Variants in L3MBTL2 observed in about 807,000 individuals in gnomAD.
L3MBTL2 encodes lethal(3)malignant brain tumor-like protein 2.
In L3MBTL2, 49 loss-of-function variants were observed where a neutral mutation model predicts 86.4. The ratio of observed to expected loss-of-function variants is 0.57; its 90% CI spans 0.45 to 0.72. The LOEUF (loss-of-function observed/expected upper bound fraction) is 0.72, where lower values mean the gene tolerates loss of function less well. Among genes scored for constraint, L3MBTL2 ranks in the 30% least tolerant of loss-of-function variants. The pLI is 0.00. For synonymous variants in L3MBTL2, 336 were observed against 350.6 expected (o/e 0.96, Z 0.47); for missense variants, 755 against 923.7 (o/e 0.82, Z 2.37).
intron 6 of L3MBTL2, among the ~76,000 whole-genome samples, 191 bp downstream of exon 6, chr22:41,219,727 T>A (rs2031674576): frequency 6.6e-6 from 1 of 152,038 alleles, no homozygotes; most frequent in South Asian, 2.1e-4. Context: ...AAACCCCAAA[T>A]TTTTTTGTTT....
intron 2 of L3MBTL2, 125 bp downstream of exon 2, chr22:41,210,058 GGGATCAGATGTGTAA>G: frequency 7.4e-7 from 1 of 1,343,952 alleles, no homozygotes; most frequent in South Asian, 1.4e-5. Context: ...TGATTTCTAA[GGGATCAGATGTGTAA>G]GGACCTGTAA....
intron 2 of L3MBTL2, among the ~76,000 whole-genome samples, chr22:41,211,837 G>A (rs963983863): frequency 2.1e-5 from 3 of 141,526 alleles, no homozygotes; most frequent in South Asian, 2.3e-4. Context: ...GATTACAGGC[G>A]TGAGCCACCG....
intron 5 of L3MBTL2, chr22:41,218,623 TTTTA>T (rs1278223021): frequency 6.6e-6 from 1 of 152,182 alleles, no homozygotes; most frequent in East Asian, 1.9e-4. Context: ...CTTTATTTTA[TTTTA>T]TTTATTTTTT....
At chr22:41,209,541 G>T in intron 1 of L3MBTL2, 155 bp from the exon 2 acceptor site, 1 of 662,572 alleles carries the variant, frequency 1.5e-6, no homozygotes, top group South Asian at 1.8e-5. Context: ...GTGGAGAAAT[G>T]TGTAAATAGA....
chr22:41,229,700 G>A lies in L3MBTL2; in HGVS notation c.2005+44G>A, dbSNP rs200682626. On this transcript the variant is annotated intron_variant, in intron 16 of 16. Coordinates refer to ENST00000216237, the MANE Select transcript of L3MBTL2 (RefSeq NM_031488.5). ...GGTCAAGGCAGGACCAGCCTGCTCC[G>A]TGCTCAGAGACGACCCTTCTCCTTC... The A allele has an allele frequency of 1.5e-4, 235 of 1,612,652 alleles. No individual in the cohort carries two copies. The East Asian group carries it at 4.0e-3, about 28-fold the overall frequency.
intron 5 of L3MBTL2, chr22:41,217,508 A>C: frequency 3.5e-6 from 1 of 285,834 alleles, no homozygotes; most frequent in South Asian, 4.1e-5. Context: ...TTTCTCCCCC[A>C]TTTGCAGCAT....
In L3MBTL2 at chr22:41,225,605, A is replaced by T. The variant is rs914150614; in HGVS notation, c.1357-189A>T. 6.6e-6 allele frequency among the ~76,000 whole-genome samples: 1 copy of T among 152,164 alleles called. No individual in the cohort carries two copies. Among genetic ancestry groups the T allele is most frequent in the South Asian group, 2.1e-4 (1 of 4,828 alleles). On this transcript the variant is annotated intron_variant, in intron 11 of 16. Coordinates refer to ENST00000216237, the MANE Select transcript of L3MBTL2 (RefSeq NM_031488.5). The surrounding 1 kb of genome is among the most constrained non-coding windows in gnomAD (Gnocchi z 4.1). ...GTGTTTGCTGTCTAGTGGGGAAGAG[A>T]AAGAATCCCACGCGTATGCATCACA... is the stretch of plus-strand genomic sequence containing the variant.
At chr22:41,205,627 G>A (rs1452352586) in intron 1 of L3MBTL2, among the ~76,000 whole-genome samples, 1 of 152,174 alleles carries the variant, frequency 6.6e-6, no homozygotes, top group Non-Finnish European at 1.5e-5. Context: ...CTGGGGGAAA[G>A]GGAACTAGGT....
rs2032523617 is a variant in L3MBTL2, at chr22:41,230,440, T to A, written c.*189T>A. ...TGGGACCCGCCTGTTGCTTCTGCCC[T>A]CCCCTGTGGAAAGGTCTATATGACG... On this transcript the variant is annotated 3_prime_UTR_variant, in exon 17 of 17. Transcript: ENST00000216237. 8.5e-6 allele frequency: 5 copies of A among 587,538 alleles called. No homozygotes were observed. Among genetic ancestry groups the A allele is most frequent in the South Asian group, 8.1e-5 (4 of 49,282 alleles). 36.4% of individuals were successfully genotyped at this position (587,538 alleles called of 1,614,324 possible).
intron 4 of L3MBTL2, 144 bp from the exon 5 acceptor site, chr22:41,216,979 G>C (rs1414746585): frequency 4.8e-6 from 3 of 628,168 alleles, no homozygotes; most frequent in Non-Finnish European, 8.5e-6. Flanking sequence ...GGGAGTGAAG[G>C]AGGGTGTCGT....
At chr22:41,216,029 CA>C in intron 3 of L3MBTL2, 109 bp from the exon 4 acceptor site, 1 of 1,236,520 alleles carries the variant, frequency 8.1e-7, no homozygotes. Flanking sequence ...AACTGAAGCC[CA>C]AAAGAGGTTA....
chr22:41,216,122 T>C lies in L3MBTL2; in HGVS notation c.397-17T>C. 1.9e-6 allele frequency: 3 copies of C among 1,607,388 alleles called. No individual in the cohort carries two copies. Among genetic ancestry groups the C allele is most frequent in the African/African-American group, 1.3e-5 (1 of 74,898 alleles). Reference sequence around the variant, plus strand: ...CCCAGCCGCCAGGCTACACATAGCCTCTGTCCTCCTCTCCAGGGAAAACCA... The same window carrying C: ...CCCAGCCGCCAGGCTACACATAGCCCCTGTCCTCCTCTCCAGGGAAAACCA... On this transcript the variant is annotated splice_polypyrimidine_tract_variant and intron_variant, in intron 3 of 16. Coordinates refer to ENST00000216237, the MANE Select transcript of L3MBTL2 (RefSeq NM_031488.5).
At chr22:41,217,331 G>A (rs764286821) in intron 5 of L3MBTL2, 129 bp downstream of exon 5, 39 of 661,118 alleles carry the variant, frequency 5.9e-5, no homozygotes, top group Non-Finnish European at 7.7e-5. Context: ...GACGGATGGC[G>A]TTACCACTCG....
At position 41,219,408 on chromosome 22, in the gene L3MBTL2, T is replaced by C; in HGVS notation, c.601-11T>C. The C allele has an allele frequency of 1.3e-6, 2 of 1,597,464 alleles. No homozygotes were observed. Among genetic ancestry groups the C allele is most frequent in the East Asian group, 2.2e-5 (1 of 44,794 alleles). Reference sequence around the variant, plus strand: ...AGCTCACTCTCTCGGTACACTCTCATCGCCACACAGGTCCCACTCTATGAC... The same window carrying C: ...AGCTCACTCTCTCGGTACACTCTCACCGCCACACAGGTCCCACTCTATGAC... On this transcript the variant is annotated splice_polypyrimidine_tract_variant and intron_variant, in intron 5 of 16. Transcript: ENST00000216237.
chr22:41,219,064 G>A (rs896979278), intron 5 of L3MBTL2: 6 of 215,772 alleles, frequency 2.8e-5, no homozygotes, highest in Non-Finnish European at 4.8e-5. Flanking sequence ...TAATATCAGC[G>A]CCCTGCCATT....
At position 41,220,861 on chromosome 22, in the gene L3MBTL2, C is replaced by T. The variant is rs1365375386; in HGVS notation, c.846C>T (p.Pro282=). ...WCAINSKILV[P]PRTIHAKFTD... ...CCATCAACAGCAAGATCCTAGTGCC[C>T]CCACGGAGTGAGTTGATGAGAACAT... is the stretch of plus-strand genomic sequence containing the variant. Residue 282 remains proline, a synonymous_variant, in exon 7 of 17, where the codon CCC becomes CCT. Transcript: ENST00000216237. The T allele has an allele frequency of 3.7e-6, 6 of 1,612,792 alleles. No homozygotes were observed. The highest frequency in any genetic ancestry group is 2.7e-5 in the African/African-American group (2 of 74,876).
In L3MBTL2 at chr22:41,227,245, G is replaced by A; in HGVS notation, c.1744G>A (p.Asp582Asn). The change falls in exon 14 of 17, where the codon GAC becomes AAC. Residue 582 changes from aspartate to asparagine, a missense_variant. By Grantham distance (23) the Asp-to-Asn change is conservative. This residue lies in a region of L3MBTL2 where 634 missense variants were observed against 748.9 expected (regional missense o/e 0.85). Coordinates refer to ENST00000216237, the MANE Select transcript of L3MBTL2 (RefSeq NM_031488.5). This position sits in a 1 kb window ranked among gnomAD's most constrained non-coding sequence, Gnocchi z 6.0. Reference sequence around the variant, plus strand: ...GGACAGCGAGTACGACCAGTGGGTGGACTGCGAGTCCCCAGACATCTACCC... The same window carrying A: ...GGACAGCGAGTACGACCAGTGGGTGAACTGCGAGTCCCCAGACATCTACCC... ...GWDSEYDQWV[D>N]CESPDIYPVG... 1 of 1,613,134 alleles carries A rather than the reference G, an allele frequency of 6.2e-7. No homozygotes were observed. The highest frequency in any genetic ancestry group is 2.2e-5 in the East Asian group (1 of 44,872).
intron 15 of L3MBTL2, 198 bp downstream of exon 15, chr22:41,228,067 C>G: frequency 1.0e-6 from 1 of 985,406 alleles, no homozygotes; most frequent in Non-Finnish European, 1.2e-6. Flanking sequence ...CTCTGGGGAC[C>G]CAGACCATAA....
chr22:41,206,519 C>T (rs2030222756), intron 1 of L3MBTL2, among the ~76,000 whole-genome samples: 1 of 151,576 alleles, frequency 6.6e-6, no homozygotes, highest in African/African-American at 2.4e-5. Context: ...TGTTTCCTTG[C>T]TGGGTGCGGT....
Sources: allele counts gnomAD v4.1 joint callset (sites outside exome capture counted in the v4.1 genomes callset), GRCh38; gene constraint gnomAD v4.1.1; regional missense constraint gnomAD v4.1.1; non-coding constraint Gnocchi (gnomAD v3.1); transcripts MANE v1.5; gene names NCBI Gene and HGNC (gene_info 2026-07-23, HGNC 2026-07-21).